The following KHDC1 variants were observed in gnomAD, a reference collection of about 807,000 sequenced individuals.
KHDC1 encodes the protein KH domain containing 1, also known as KH homology domain-containing protein 1.
A neutral mutation model predicts 24.7 loss-of-function variants in KHDC1; 21 were observed. The observed-to-expected ratio is 0.85, with a 90% CI of 0.60 to 1.23. The LOEUF is 1.23. Ranked by LOEUF, KHDC1 falls within the 50% of genes most tolerant of loss-of-function variation. The probability of loss-of-function intolerance (pLI) is 0.00; values close to 1 mark genes in which losing one functional copy is unlikely to be tolerated. For missense variants in KHDC1, 274 were observed against 298.5 expected, an observed-to-expected ratio of 0.92 and a Z score of 0.61; for synonymous variants, 98 against 111.7, an observed-to-expected ratio of 0.88 and a Z score of 0.77.
intron 2 of KHDC1, among the ~76,000 whole-genome samples, chr6:73,289,108 C>A (rs1400097755): frequency 6.6e-6 from 1 of 151,508 alleles, no homozygotes; most frequent in Non-Finnish European, 1.5e-5. Context: ...CGAAGGCAGG[C>A]AGATCACTTG....
intron 2 of KHDC1, among the ~76,000 whole-genome samples, chr6:73,258,809 A>G (rs777322193): frequency 1.3e-5 from 2 of 152,220 alleles, no homozygotes; most frequent in Non-Finnish European, 2.9e-5. Flanking sequence ...GCTGGATCAC[A>G]TAAGTTAATG....
At chr6:73,258,494 G>C (rs911573025) in intron 2 of KHDC1, among the ~76,000 whole-genome samples, 5 of 152,060 alleles carry the variant, frequency 3.3e-5, no homozygotes, top group African/African-American at 1.2e-4. Context: ...ATCAGCAAAA[G>C]GTCTCCTACT....
At chr6:73,254,957 G>A (rs2603474) in intron 2 of KHDC1, among the ~76,000 whole-genome samples, 29,449 of 151,024 alleles carry the variant, frequency 0.19, 3,199 homozygotes, top group African/African-American at 0.3. Flanking sequence ...AGTGGAGATC[G>A]CGCCATTGCA....
intron 2 of KHDC1, among the ~76,000 whole-genome samples, chr6:73,266,370 C>T (rs1407182835): frequency 4.6e-5 from 7 of 152,338 alleles, no homozygotes; most frequent in Non-Finnish European, 7.3e-5. Flanking sequence ...GCTCAATAGT[C>T]TTTGCCTTAT....
intron 2 of KHDC1, among the ~76,000 whole-genome samples, chr6:73,280,030 A>G (rs1289711171): frequency 6.6e-6 from 1 of 152,246 alleles, no homozygotes; most frequent in Non-Finnish European, 1.5e-5. Context: ...ACAGTTTACT[A>G]CATCCATCCT....
At chr6:73,278,760 A>G (rs1767349273) in intron 2 of KHDC1, among the ~76,000 whole-genome samples, 1 of 152,186 alleles carries the variant, frequency 6.6e-6, no homozygotes, top group Non-Finnish European at 1.5e-5. Context: ...GTATGTATGC[A>G]TAGGAAAAAT....
rs929991940 is a variant in KHDC1 at position 73,291,361 on chromosome 6, A to G, written c.206+637T>C. On this transcript the variant is annotated intron_variant, in intron 2 of 4. Transcript: ENST00000370384. The stretch of plus-strand genomic sequence containing the variant: ...GAAAACACGAACAGCTGAAGTGGCA[A>G]TGTTTAAGTAACATCTGGTAGACTT... 11 of 200,776 alleles carry G rather than the reference A, an allele frequency of 5.5e-5. No homozygotes were observed. The East Asian group carries it at 1.1e-3, about 20-fold the overall frequency. The allele number at this position is 200,776 out of a possible 1,614,324, so 12.4% of individuals were successfully genotyped here. A position where few individuals can be genotyped will look rare whatever the true frequency, so the allele number is the denominator to read the frequency against.
intron 2 of KHDC1, among the ~76,000 whole-genome samples, chr6:73,253,879 T>C (rs1266203512): frequency 1.3e-5 from 2 of 152,096 alleles, no homozygotes; most frequent in Admixed American, 1.3e-4. Flanking sequence ...GCACTCCAGC[T>C]TGGGTGGCAG....
At chr6:73,308,785 G>A (rs1179867407) in intron 1 of KHDC1, among the ~76,000 whole-genome samples, 2 of 152,008 alleles carry the variant, frequency 1.3e-5, no homozygotes, top group African/African-American at 4.8e-5. Context: ...GTCAGCCACC[G>A]CACCCGGTAG....
chr6:73,304,985 C>G (rs573292364), intron 1 of KHDC1, among the ~76,000 whole-genome samples: 1 of 152,240 alleles, frequency 6.6e-6, no homozygotes, highest in South Asian at 2.1e-4. Context: ...CACTTGTAAT[C>G]CAAGCACTTT....
intron 1 of KHDC1, among the ~76,000 whole-genome samples, chr6:73,295,173 A>C (rs757801632): frequency 8.6e-5 from 13 of 151,732 alleles, no homozygotes; most frequent in Non-Finnish European, 1.5e-4. Context: ...CAATAACAAA[A>C]AGCTGTTGAC....
chr6:73,273,736 G>A (rs1029436888), intron 2 of KHDC1, among the ~76,000 whole-genome samples: 5 of 152,074 alleles, frequency 3.3e-5, no homozygotes, highest in South Asian at 2.1e-4. Context: ...GGAGAATGGC[G>A]TGAACCCGGG....
chr6:73,265,646 G>GGTTCTCTT (rs1347663861), intron 2 of KHDC1, among the ~76,000 whole-genome samples: 1 of 151,894 alleles, frequency 6.6e-6, no homozygotes. Flanking sequence ...GCCTTTTTCA[G>GGTTCTCTT]GTTCTCTTGT....
At chr6:73,304,715 G>A (rs1695485457) in intron 1 of KHDC1, among the ~76,000 whole-genome samples, 1 of 152,166 alleles carries the variant, frequency 6.6e-6, no homozygotes, top group South Asian at 2.1e-4. Context: ...ATAATGAGTG[G>A]ATTGCTAGAC....
At chr6:73,306,562 G>A (rs1767966583) in intron 1 of KHDC1, among the ~76,000 whole-genome samples, 1 of 152,124 alleles carries the variant, frequency 6.6e-6, no homozygotes, top group Non-Finnish European at 1.5e-5. Context: ...CTAGCAGTGA[G>A]CCCTGTGGTT....
At chr6:73,250,608 G>A (rs1213889869) in intron 2 of KHDC1, among the ~76,000 whole-genome samples, 16 of 152,194 alleles carry the variant, frequency 1.1e-4, no homozygotes, top group Non-Finnish European at 1.9e-4. Context: ...GCATCCAACT[G>A]GACCAGTGTT....
intron 2 of KHDC1, chr6:73,262,945 C>T (rs1409240519): frequency 5.0e-6 from 5 of 990,962 alleles, no homozygotes; most frequent in African/African-American, 1.7e-5. Context: ...GAGTTCGAGA[C>T]CACAGGGGGG....
At chr6:73,264,923 T>G (rs1382200734) in intron 2 of KHDC1, among the ~76,000 whole-genome samples, 1 of 152,202 alleles carries the variant, frequency 6.6e-6, no homozygotes, top group Non-Finnish European at 1.5e-5. Context: ...AGCCCGGAGA[T>G]GATTACCTGT....
At chr6:73,308,905 C>T (rs894937260) in intron 1 of KHDC1, among the ~76,000 whole-genome samples, 2 of 152,188 alleles carry the variant, frequency 1.3e-5, no homozygotes, top group African/African-American at 2.4e-5. Flanking sequence ...CATCTCGGCT[C>T]ACTCCAACCT....
Sources: allele counts gnomAD v4.1 joint callset (sites outside exome capture counted in the v4.1 genomes callset), GRCh38; gene constraint gnomAD v4.1.1; transcripts MANE v1.5; gene names NCBI Gene and HGNC (gene_info 2026-07-23, HGNC 2026-07-21).